The following MED12L variants were observed in gnomAD, a reference collection of about 807,000 sequenced individuals.
MED12L encodes the protein mediator complex subunit 12L, also known as mediator of RNA polymerase II transcription subunit 12-like protein.
A neutral mutation model predicts 281.3 loss-of-function variants in MED12L; 60 were observed. That is an observed-to-expected ratio of 0.21 (90% CI 0.17 to 0.26). MED12L has a LOEUF of 0.26. Among genes scored for constraint, MED12L ranks in the 10% least tolerant of loss-of-function variants. MED12L has a pLI of 1.00. For missense variants in MED12L, 2,146 were observed against 2,680.9 expected (o/e 0.80, Z 4.41); for synonymous variants, 974 against 987.2 (o/e 0.99, Z 0.25).
At chr3:151,357,624 A>G (rs1373267481) in intron 20 of MED12L, among the ~76,000 whole-genome samples, 1 of 152,136 alleles carries the variant, frequency 6.6e-6, no homozygotes, top group Non-Finnish European at 1.5e-5. Flanking sequence ...GTTTCTAAGT[A>G]CAAAGCTAGT....
chr3:151,256,700 A>C (rs1057317973), intron 16 of MED12L, among the ~76,000 whole-genome samples: 1 of 152,216 alleles, frequency 6.6e-6, no homozygotes, highest in African/African-American at 2.4e-5. Flanking sequence ...GATGCTAAAT[A>C]ATAGTAAAGG....
intron 16 of MED12L, among the ~76,000 whole-genome samples, chr3:151,220,432 A>C (rs1729117458): frequency 6.6e-6 from 1 of 152,120 alleles, no homozygotes; most frequent in Non-Finnish European, 1.5e-5. Context: ...TAAAATGAGG[A>C]CTGAGATTCC....
rs562532860 is a variant in MED12L at position 151,436,288 on chromosome 3, A to G, written c.*3484A>G. 8.2e-5 allele frequency: 13 copies of G among 159,182 alleles called. No homozygotes were observed. Among genetic ancestry groups the G allele is most frequent in the East Asian group, 7.4e-4 (4 of 5,408 alleles). The allele number at this position is 159,182 out of a possible 1,614,324, so 9.9% of individuals were successfully genotyped here. On this transcript the variant is annotated 3_prime_UTR_variant, in exon 45 of 45. Coordinates refer to ENST00000687756, the MANE Select transcript of MED12L (RefSeq NM_001393769.1). ...TAAATTTACATCATAAAGATTGCAG[A>G]TTTAATATTTTCCATTGTCTCTGTT...
At chr3:151,155,692 C>T (rs1719178663) in intron 5 of MED12L, among the ~76,000 whole-genome samples, 1 of 152,156 alleles carries the variant, frequency 6.6e-6, no homozygotes, top group South Asian at 2.1e-4. Context: ...CCATGTGGAG[C>T]CTGAAAAATG....
chr3:151,372,306 C>T (rs1756283012), intron 26 of MED12L, among the ~76,000 whole-genome samples: 1 of 152,154 alleles, frequency 6.6e-6, no homozygotes, highest in South Asian at 2.1e-4. Context: ...AATGGCCTTT[C>T]CAAGTTTGGT....
chr3:151,127,955 A>G lies in MED12L; in HGVS notation c.527A>G (p.Lys176Arg), dbSNP rs753600879. 8 of 1,613,570 alleles carry G rather than the reference A, an allele frequency of 5.0e-6. No homozygotes were observed. In the South Asian group the frequency reaches 8.8e-5, roughly 18 times the overall value. ...YYSAISEAKIKKRQAPDPNLE... is the reference protein window; with the variant it reads ...YYSAISEAKIRKRQAPDPNLE... ...TCTGCTATATCTGAAGCTAAAATTA[A>G]GAAACGTCAGGCTCCTGATCCGAAT... Residue 176 changes from lysine to arginine, a missense_variant, in exon 5 of 45, where the codon AAG (lysine) becomes AGG (arginine). Lys to Arg is a conservative substitution (Grantham distance 26). Around this residue, in one of 9 missense-constraint regions of MED12L, gnomAD observed 722 missense variants for 861.2 expected, o/e 0.84. Coordinates refer to ENST00000687756, the MANE Select transcript of MED12L (RefSeq NM_001393769.1).
chr3:151,301,001 A>G (rs1745840593), intron 16 of MED12L, among the ~76,000 whole-genome samples: 1 of 152,232 alleles, frequency 6.6e-6, no homozygotes, highest in African/African-American at 2.4e-5. Context: ...CTCTCCACCC[A>G]GAATCCACTC....
chr3:151,101,122 C>T (rs1195169553), intron 2 of MED12L, among the ~76,000 whole-genome samples: 1 of 152,196 alleles, frequency 6.6e-6, no homozygotes, highest in African/African-American at 2.4e-5. Context: ...TCAGACCACA[C>T]TCAGGGTGGT....
chr3:151,390,145 G>A lies in MED12L; in HGVS notation c.5608+10G>A. On this transcript the variant is annotated intron_variant, in intron 38 of 44. Coordinates refer to ENST00000687756, the MANE Select transcript of MED12L (RefSeq NM_001393769.1). Reference sequence around the variant, plus strand: ...CAATCTCTTACTCCAGGTATGTGATGAGAAAGCACAGATCACTCAGAGATG... The same window carrying A: ...CAATCTCTTACTCCAGGTATGTGATAAGAAAGCACAGATCACTCAGAGATG... 3 of 1,613,754 alleles carry A rather than the reference G, an allele frequency of 1.9e-6. No homozygotes were observed. The highest frequency in any genetic ancestry group is 2.5e-6 in the Non-Finnish European group (3 of 1,179,742).
At chr3:151,380,415 G>T (rs1560103820) in intron 32 of MED12L, among the ~76,000 whole-genome samples, 191 bp downstream of exon 32, 1 of 152,036 alleles carries the variant, frequency 6.6e-6, no homozygotes, top group Non-Finnish European at 1.5e-5. Flanking sequence ...TGGCCAACAT[G>T]GTGAAACCCC....
chr3:151,293,989 C>A, intron 16 of MED12L: 2 of 583,154 alleles, frequency 3.4e-6, no homozygotes, highest in South Asian at 2.3e-5. Flanking sequence ...TTCACCCATA[C>A]GCTACCTCTT....
chr3:151,222,965 G>A (rs568791182), intron 16 of MED12L, among the ~76,000 whole-genome samples: 2 of 151,998 alleles, frequency 1.3e-5, no homozygotes, highest in Non-Finnish European at 2.9e-5. Context: ...AATGTAAATT[G>A]GTATTTTATA....
chr3:151,403,649 G>C (rs535417770), intron 39 of MED12L, among the ~76,000 whole-genome samples: 1 of 152,028 alleles, frequency 6.6e-6, no homozygotes, highest in African/African-American at 2.4e-5. Context: ...ATTACTTATA[G>C]GTTTCTGTAT....
rs368805516 is a variant in MED12L, at chr3:151,160,005, C to T, written c.1011C>T (p.Pro337=). The change falls in exon 8 of 45, where the codon CCC becomes CCT. Residue 337 remains proline, a synonymous_variant. Transcript: ENST00000687756. ...SSIGAPSPGP[P]GPGMSPVQLA... is the part of the protein sequence containing the mutation. ...TCGGGGCCCCCAGCCCTGGCCCCCC[C>T]GGCCCTGGCATGAGCCCCGTGCAGC... 3.8e-5 allele frequency: 61 copies of T among 1,613,966 alleles called. No homozygotes were observed. The highest frequency in any genetic ancestry group is 5.5e-5 in the South Asian group (5 of 91,084).
chr3:151,222,417 T>G (rs1390521977), intron 16 of MED12L, among the ~76,000 whole-genome samples: 1 of 152,196 alleles, frequency 6.6e-6, no homozygotes, highest in African/African-American at 2.4e-5. Flanking sequence ...AATCTCATCT[T>G]GTGGCTCCCT....
intron 32 of MED12L, among the ~76,000 whole-genome samples, chr3:151,382,428 C>T (rs2108138861): frequency 6.6e-6 from 1 of 152,154 alleles, no homozygotes; most frequent in East Asian, 1.9e-4. Context: ...CATAGGCTAG[C>T]TATATAATTA....
intron 15 of MED12L, 103 bp from the exon 16 acceptor site, chr3:151,193,387 A>G (rs1441412594): frequency 2.5e-6 from 2 of 789,098 alleles, no homozygotes; most frequent in South Asian, 2.0e-5. Context: ...TAAGTAGGAA[A>G]AGGTGTATAA....
intron 16 of MED12L, among the ~76,000 whole-genome samples, chr3:151,308,815 G>A (rs1386881899): frequency 1.3e-5 from 2 of 152,116 alleles, no homozygotes; most frequent in African/African-American, 4.8e-5. Flanking sequence ...TAGAACTGTT[G>A]TCAGGTTAGC....
rs1450399854 is a variant in MED12L, at chr3:151,380,177, G to C, written c.4543G>C (p.Glu1515Gln). Reference protein sequence around the residue: ...LVLTCLKGQDEQREGLLTSLQ... With the variant: ...LVLTCLKGQDQQREGLLTSLQ... ...ACTTACCTGCCTTAAGGGACAAGAT[G>C]AACAAAGGGAAGGCCTCCTAACATC... The change falls in exon 32 of 45, where the codon GAA becomes CAA. Residue 1515 changes from glutamate to glutamine, a missense_variant. Glu to Gln is a conservative substitution (Grantham distance 29). Around this residue, in one of 9 missense-constraint regions of MED12L, gnomAD observed 212 missense variants for 340.8 expected, o/e 0.62. Transcript: ENST00000687756. 6.2e-7 allele frequency: 1 copy of C among 1,610,534 alleles called. No individual in the cohort carries two copies. Among genetic ancestry groups the C allele is most frequent in the Non-Finnish European group, 8.5e-7 (1 of 1,178,786 alleles).
Sources: gnomAD v4.1 joint callset for allele counts (sites outside exome capture counted in the v4.1 genomes callset) on GRCh38, gnomAD v4.1.1 for gene constraint, gnomAD v4.1.1 regional missense constraint, MANE v1.5 for transcripts, NCBI Gene and HGNC (gene_info 2026-07-23, HGNC 2026-07-21) for gene names.